The following DUSP10 variants were observed in gnomAD, a reference collection of about 807,000 sequenced individuals.
The protein encoded by DUSP10 is dual specificity phosphatase 10.
DUSP10 carries 14 observed loss-of-function variants against 30.8 expected under a neutral mutation model. The ratio of observed to expected loss-of-function variants is 0.46; its 90% CI spans 0.30 to 0.71. The LOEUF is 0.71. DUSP10 is among the 30% of genes least tolerant of loss of function. The pLI, the probability that DUSP10 is intolerant of heterozygous loss-of-function variation, is 0.08. For missense variants in DUSP10, 550 were observed against 619.4 expected (o/e 0.89, Z 1.19); for synonymous variants, 254 against 250.4 (o/e 1.01, Z -0.14).
At chr1:221,709,094 C>T (rs1338766429) in intron 2 of DUSP10, among the ~76,000 whole-genome samples, 1 of 152,130 alleles carries the variant, frequency 6.6e-6, no homozygotes, top group African/African-American at 2.4e-5. Context: ...TCTACACCTC[C>T]TTTCTCAATG....
At position 221,706,797 on chromosome 1, in the gene DUSP10, C is replaced by G. The variant is rs1014994649; in HGVS notation, c.812-331G>C. 3.3e-5 allele frequency among the ~76,000 whole-genome samples: 5 copies of G among 152,060 alleles called. No homozygotes were observed. The highest frequency in any genetic ancestry group is 6.5e-5 in the Admixed American group (1 of 15,272). On this transcript the variant is annotated intron_variant, in intron 2 of 3. Transcript: ENST00000366899. The surrounding 1 kb of genome is among the most constrained non-coding windows in gnomAD (Gnocchi z 4.6). ...CCTCAGCTGCAAATGTGACCTGCCT[C>G]AAAGAGCCATATGCTCAGTGGCCTA... is the stretch of plus-strand genomic sequence containing the variant.
intron 2 of DUSP10, among the ~76,000 whole-genome samples, chr1:221,726,268 G>A (rs1661421276): frequency 6.6e-6 from 1 of 152,220 alleles, no homozygotes; most frequent in African/African-American, 2.4e-5. Flanking sequence ...AGTTGGGTGG[G>A]AAGGTGGAGA....
At chr1:221,736,930 G>A (rs780295760) in intron 2 of DUSP10, 22 of 985,284 alleles carry the variant, frequency 2.2e-5, no homozygotes, top group Admixed American at 6.2e-5. Flanking sequence ...TGCCCAGGGC[G>A]CCCAGTGGTG....
At chr1:221,715,114 T>C (rs1661057926) in intron 2 of DUSP10, among the ~76,000 whole-genome samples, 1 of 152,252 alleles carries the variant, frequency 6.6e-6, no homozygotes, top group Non-Finnish European at 1.5e-5. Flanking sequence ...TCGAATATAC[T>C]GTTTCCTTCC....
intron 3 of DUSP10, among the ~76,000 whole-genome samples, chr1:221,705,876 TC>T (rs1331758149): frequency 6.6e-6 from 1 of 152,182 alleles, no homozygotes; most frequent in East Asian, 1.9e-4. Flanking sequence ...CCCAACAAAT[TC>T]AATTACTGTC....
At chr1:221,711,745 T>G (rs1660943630) in intron 2 of DUSP10, 1 of 152,232 alleles carries the variant, frequency 6.6e-6, no homozygotes, top group Non-Finnish European at 1.5e-5. Context: ...GATAAAATGC[T>G]ACATGAGAGT....
chr1:221,702,280 A>T lies in DUSP10; in HGVS notation c.*132T>A. The T allele has an allele frequency of 9.5e-7, 1 of 1,051,544 alleles. No individual in the cohort carries two copies. The highest frequency in any genetic ancestry group is 1.4e-6 in the Non-Finnish European group (1 of 724,886). 65.1% of individuals were successfully genotyped at this position (1,051,544 alleles called of 1,614,324 possible). On this transcript the variant is annotated 3_prime_UTR_variant, in exon 4 of 4. Transcript: ENST00000366899. The surrounding 1 kb of genome is among the most constrained non-coding windows in gnomAD (Gnocchi z 4.5). ...TACACTTGTTAAAAATAAAGTGTTT[A>T]AACAAGTTTGTTTCCATTCACAAAC... is the stretch of plus-strand genomic sequence containing the variant.
rs899217749 is a variant in DUSP10, at chr1:221,702,897, A to G, written c.1184-220T>C. ...TATCAGCACGAACAAGAAGCTATAC[A>G]TCTACATTTAAAGAGAAGATTAAAT... On this transcript the variant is annotated intron_variant, in intron 3 of 3. Transcript: ENST00000366899. This position sits in a 1 kb window ranked among gnomAD's most constrained non-coding sequence, Gnocchi z 4.5. Among the ~76,000 whole-genome samples the G allele has an allele frequency of 1.3e-5, 2 of 152,252 alleles. No homozygotes were observed. Among genetic ancestry groups the G allele is most frequent in the African/African-American group, 4.8e-5 (2 of 41,470 alleles).
intron 2 of DUSP10, among the ~76,000 whole-genome samples, chr1:221,720,080 A>C (rs1251239469): frequency 6.6e-6 from 1 of 152,028 alleles, no homozygotes; most frequent in African/African-American, 2.4e-5. Flanking sequence ...GTAGATCCTC[A>C]CTGTGATACT....
intron 2 of DUSP10, among the ~76,000 whole-genome samples, chr1:221,729,350 T>TA (rs1201014656): frequency 1.3e-5 from 2 of 152,172 alleles, no homozygotes; most frequent in Non-Finnish European, 2.9e-5. Flanking sequence ...AAGATGGCAT[T>TA]ATAACTAAGG....
At position 221,701,532 on chromosome 1, in the gene DUSP10, C is replaced by A. The variant is rs1485847995; in HGVS notation, c.*880G>T. On this transcript the variant is annotated 3_prime_UTR_variant, in exon 4 of 4. Transcript: ENST00000366899. ...TTTTTAAATAAATTTTTTTTTCTTACATTCTGATATACATATGTAACAAGG... is the reference window on the plus strand; with the variant it reads ...TTTTTAAATAAATTTTTTTTTCTTAAATTCTGATATACATATGTAACAAGG... 3.9e-5 allele frequency: 5 copies of A among 128,142 alleles called. No homozygotes were observed. Among genetic ancestry groups the A allele is most frequent in the African/African-American group, 5.9e-5 (2 of 33,848 alleles). 7.9% of individuals were successfully genotyped at this position (128,142 alleles called of 1,614,324 possible).
intron 2 of DUSP10, among the ~76,000 whole-genome samples, chr1:221,709,872 A>G (rs1487137241): frequency 6.6e-6 from 1 of 152,222 alleles, no homozygotes; most frequent in Non-Finnish European, 1.5e-5. Context: ...CTGATCACTT[A>G]ATGAGGAACC....
rs143876944 is a variant in DUSP10 at position 221,702,696 on chromosome 1, A to G, written c.1184-19T>C. On this transcript the variant is annotated intron_variant, in intron 3 of 3. Coordinates refer to ENST00000366899, the MANE Select transcript of DUSP10 (RefSeq NM_007207.6). This position sits in a 1 kb window ranked among gnomAD's most constrained non-coding sequence, Gnocchi z 4.5. ...GCTTCCTCTGAAAAAAGGGAGAAAG[A>G]CAAGAGATGAAGGGAAGATGGAAGA... 1.4e-4 allele frequency: 219 copies of G among 1,611,816 alleles called. No homozygotes were observed. In the African/African-American group the frequency reaches 2.4e-3, roughly 17 times the overall value.
In DUSP10 at chr1:221,739,471, C is replaced by A. The variant is rs199985800; in HGVS notation, c.274G>T (p.Ala92Ser). The change falls in exon 2 of 4, where the codon GCC becomes TCC. Residue 92 changes from alanine to serine, a missense_variant. Coordinates refer to ENST00000366899, the MANE Select transcript of DUSP10 (RefSeq NM_007207.6). Reference sequence around the variant, plus strand: ...CCAGCGGCAATGGCTTGGGTTTGGGCCTGATTGTCCTTGTCGTAGGTTGCC... The same window carrying A: ...CCAGCGGCAATGGCTTGGGTTTGGGACTGATTGTCCTTGTCGTAGGTTGCC... ...TVATYDKDNQ[A>S]QTQAIAAGTT... 2.8e-5 allele frequency: 45 copies of A among 1,614,164 alleles called. No individual in the cohort carries two copies. The highest frequency in any genetic ancestry group is 3.8e-5 in the Non-Finnish European group (45 of 1,180,030).
rs373505357 is a variant in DUSP10 at position 221,739,717 on chromosome 1, C to T, written c.28G>A (p.Val10Ile). 1.4e-5 allele frequency: 23 copies of T among 1,607,268 alleles called. No individual in the cohort carries two copies. Among genetic ancestry groups the T allele is most frequent in the African/African-American group, 4.0e-5 (3 of 74,744 alleles). The change falls in exon 2 of 4, where the codon GTA (valine) becomes ATA (isoleucine). Residue 10 changes from valine to isoleucine, a missense_variant. Physicochemically the swap from Val to Ile is conservative, Grantham distance 29 (BLOSUM62 3). Coordinates refer to ENST00000366899, the MANE Select transcript of DUSP10 (RefSeq NM_007207.6). ...ACGGGCCTAGATAGTGCCACTACTA[C>T]CCTGTCGTCTAAAGGAGACGGAGGC... MPPSPLDDRVVVALSRPVRP... is the reference protein window; with the variant it reads MPPSPLDDRIVVALSRPVRP...
chr1:221,729,965 T>C (rs1661534700), intron 2 of DUSP10, among the ~76,000 whole-genome samples: 1 of 152,322 alleles, frequency 6.6e-6, no homozygotes, highest in East Asian at 1.9e-4. Flanking sequence ...AGAAAATGAC[T>C]CACAGTCTTC....
intron 2 of DUSP10, among the ~76,000 whole-genome samples, chr1:221,727,219 A>C (rs2102641811): frequency 6.6e-6 from 1 of 152,344 alleles, no homozygotes; most frequent in Non-Finnish European, 1.5e-5. Context: ...AGGGAGCATC[A>C]GCCGGCTCAT....
intron 2 of DUSP10, among the ~76,000 whole-genome samples, chr1:221,718,301 C>A (rs1661171631): frequency 6.6e-6 from 1 of 152,214 alleles, no homozygotes; most frequent in Non-Finnish European, 1.5e-5. Context: ...AGCACTGGCA[C>A]ATGACCTCCA....
chr1:221,736,800 A>C (rs1014040731), intron 2 of DUSP10: 5 of 984,834 alleles, frequency 5.1e-6, no homozygotes, highest in Non-Finnish European at 6.0e-6. Context: ...TGAAATTCCC[A>C]GATATTTGAA....
Sources: gnomAD v4.1 joint callset for allele counts (sites outside exome capture counted in the v4.1 genomes callset) on GRCh38, gnomAD v4.1.1 for gene constraint, Gnocchi (gnomAD v3.1) non-coding constraint, MANE v1.5 for transcripts, NCBI Gene and HGNC (gene_info 2026-07-23, HGNC 2026-07-21) for gene names.